PYGO1: variants seen among roughly 807,000 people sequenced by gnomAD.
The protein encoded by PYGO1 is pygopus homolog 1.
Under a neutral mutation model 29.5 loss-of-function variants are expected in PYGO1, and 6 were observed. The ratio of observed to expected loss-of-function variants is 0.20; its 90% CI spans 0.11 to 0.40. The LOEUF (loss-of-function observed/expected upper bound fraction) is 0.40. Ranked by LOEUF, PYGO1 falls within the 10% of genes least tolerant of loss-of-function variation. The probability of loss-of-function intolerance (pLI) is 1.00; values close to 1 mark genes in which losing one functional copy is unlikely to be tolerated. For missense variants in PYGO1, 515 were observed against 514.9 expected (o/e 1.00, Z 0.00); for synonymous variants, 186 against 180.5 (o/e 1.03, Z -0.24).
chr15:55,588,484 G>C (rs1439960741), upstream of PYGO1, among the ~76,000 whole-genome samples: 15 of 146,778 alleles, frequency 1.0e-4, no homozygotes, highest in Admixed American at 3.4e-4. Flanking sequence ...CCGCTGCCTC[G>C]TCCCGCGGCG....
At chr15:55,579,651 G>A (rs779799784) in intron 1 of PYGO1, among the ~76,000 whole-genome samples, 4 of 152,084 alleles carry the variant, frequency 2.6e-5, no homozygotes, top group Non-Finnish European at 4.4e-5. Context: ...AAAGTGCTGA[G>A]ATTACAGGCA....
Position 55,546,924 on chromosome 15 carries a change from C to A in PYGO1, c.359G>T (p.Gly120Val). Residue 120 changes from glycine to valine, a missense_variant, in exon 3 of 3, where the codon GGT becomes GTT. By Grantham distance (109) the Gly-to-Val change is moderately radical. Transcript: ENST00000563719. ...VPPRMSSPYC[G>V]PYSLRNQPHP... is the part of the protein sequence containing the mutation. The stretch of plus-strand genomic sequence containing the variant: ...TGGCTGGTTCCTGAGTGAGTAAGGA[C>A]CACAGTATGGGGAAGACATTCTTGG... The A allele has an allele frequency of 1.2e-6, 2 of 1,614,006 alleles. No homozygotes were observed. The highest frequency in any genetic ancestry group is 1.7e-6 in the Non-Finnish European group (2 of 1,179,990).
chr15:55,551,138 T>G (rs2058877127), intron 1 of PYGO1, among the ~76,000 whole-genome samples: 1 of 152,188 alleles, frequency 6.6e-6, no homozygotes, highest in Non-Finnish European at 1.5e-5. Context: ...GCCTGGTTCC[T>G]AACAGGGCAT....
intron 1 of PYGO1, among the ~76,000 whole-genome samples, chr15:55,563,579 T>C (rs1169701591): frequency 6.6e-6 from 1 of 152,136 alleles, no homozygotes; most frequent in Non-Finnish European, 1.5e-5. Flanking sequence ...CTCGAGCTCC[T>C]GACCTCGTGA....
intron 2 of PYGO1, among the ~76,000 whole-genome samples, chr15:55,548,031 T>C (rs2058860293): frequency 1.3e-5 from 2 of 152,178 alleles, no homozygotes; most frequent in African/African-American, 4.8e-5. Context: ...AATTTTAATT[T>C]TTTTTTGAGA....
intron 1 of PYGO1, among the ~76,000 whole-genome samples, chr15:55,562,852 T>C (rs892489088): frequency 1.3e-5 from 2 of 152,188 alleles, no homozygotes; most frequent in Non-Finnish European, 1.5e-5. Context: ...TGGATGGAGC[T>C]AGAAGCTGTT....
chr15:55,583,862 CA>C (rs2141679911), intron 1 of PYGO1, among the ~76,000 whole-genome samples: 1 of 152,268 alleles, frequency 6.6e-6, no homozygotes, highest in South Asian at 2.1e-4. Flanking sequence ...ACTGCCTTCT[CA>C]AAATCACAAG....
At chr15:55,563,079 A>C (rs2058940164) in intron 1 of PYGO1, among the ~76,000 whole-genome samples, 1 of 152,160 alleles carries the variant, frequency 6.6e-6, no homozygotes, top group Non-Finnish European at 1.5e-5. Flanking sequence ...AAGAAAAAAA[A>C]CATAAATTGC....
chr15:55,554,740 C>T (rs943938952), intron 1 of PYGO1, among the ~76,000 whole-genome samples: 2 of 152,010 alleles, frequency 1.3e-5, no homozygotes, highest in Non-Finnish European at 2.9e-5. Context: ...CAAGTGTCAA[C>T]AGCAGAACAG....
chr15:55,576,994 T>C (rs1039968025), intron 1 of PYGO1, among the ~76,000 whole-genome samples: 1 of 122,854 alleles, frequency 8.1e-6, no homozygotes, highest in African/African-American at 2.7e-5. Context: ...CTAAATAAGA[T>C]AGCAACAAAG....
chr15:55,582,193 C>A, intron 1 of PYGO1, among the ~76,000 whole-genome samples: 1 of 103,948 alleles, frequency 9.6e-6, no homozygotes, highest in Non-Finnish European at 1.8e-5. Context: ...GGAGACAGAG[C>A]AAGGCTCCAT....
intron 1 of PYGO1, among the ~76,000 whole-genome samples, chr15:55,551,039 G>A (rs2058876671): frequency 6.6e-6 from 1 of 152,160 alleles, no homozygotes; most frequent in Non-Finnish European, 1.5e-5. Flanking sequence ...ACCCTCCTAT[G>A]AGAATCTAAT....
In PYGO1 at chr15:55,540,973, A is replaced by G. The variant is rs561785198; in HGVS notation, c.*5050T>C. On this transcript the variant is annotated 3_prime_UTR_variant, in exon 3 of 3. Coordinates refer to ENST00000563719, the MANE Select transcript of PYGO1 (RefSeq NM_001367806.1). ...GCAGGACTTTCTTTTATAAAAGATA[A>G]TATTTTGACAAACAAGCAACATCAT... 2.6e-5 allele frequency: 4 copies of G among 152,230 alleles called. No homozygotes were observed. Among genetic ancestry groups the G allele is most frequent in the South Asian group, 4.1e-4 (2 of 4,824 alleles). The allele number at this position is 152,230 out of a possible 1,614,324, so 9.4% of individuals were successfully genotyped here.
chr15:55,584,311 T>G (rs2059037772), intron 1 of PYGO1, among the ~76,000 whole-genome samples: 1 of 151,804 alleles, frequency 6.6e-6, no homozygotes, highest in South Asian at 2.1e-4. Context: ...TAGAGACAGG[T>G]TGTCGTCCAG....
At chr15:55,554,438 C>T (rs1251815701) in intron 1 of PYGO1, among the ~76,000 whole-genome samples, 3 of 138,130 alleles carry the variant, frequency 2.2e-5, no homozygotes, top group Non-Finnish European at 3.0e-5. Context: ...CACTGCACTC[C>T]AGTCTGGGTG....
chr15:55,562,211 G>C (rs1462047123), intron 1 of PYGO1, among the ~76,000 whole-genome samples: 2 of 152,208 alleles, frequency 1.3e-5, no homozygotes, highest in East Asian at 3.8e-4. Flanking sequence ...AGGTTGCGGA[G>C]AAAAAGGAAC....
chr15:55,552,827 G>A lies in PYGO1; in HGVS notation c.50-3832C>T, dbSNP rs79025003. Among the ~76,000 whole-genome samples the A allele has an allele frequency of 6.4e-3, 981 of 152,244 alleles. 50 individuals are homozygous for A. The East Asian group carries it at 0.12, about 18-fold the overall frequency. Reference sequence around the variant, plus strand: ...CCCTGCAAAGATGAAAAAGAATCCTGCAAGGCAAAAGATCCACCCATACAT... The same window carrying A: ...CCCTGCAAAGATGAAAAAGAATCCTACAAGGCAAAAGATCCACCCATACAT... On this transcript the variant is annotated intron_variant, in intron 1 of 2. Coordinates refer to ENST00000563719, the MANE Select transcript of PYGO1 (RefSeq NM_001367806.1).
In PYGO1 at chr15:55,539,857, A is replaced by G. The variant is rs1340890608; in HGVS notation, c.*6166T>C. ...ACATAACATAGGTAGACATTTTGTA[A>G]TATACATCACTGACATAGTAAAACC... On this transcript the variant is annotated 3_prime_UTR_variant, in exon 3 of 3. Transcript: ENST00000563719. The G allele has an allele frequency of 6.6e-6, 1 of 152,084 alleles. No individual in the cohort carries two copies. Among genetic ancestry groups the G allele is most frequent in the African/African-American group, 2.4e-5 (1 of 41,456 alleles). 9.4% of individuals were successfully genotyped at this position (152,084 alleles called of 1,614,324 possible).
intron 1 of PYGO1, among the ~76,000 whole-genome samples, chr15:55,559,691 G>T (rs1208553539): frequency 1.3e-5 from 2 of 152,150 alleles, no homozygotes; most frequent in Non-Finnish European, 2.9e-5. Flanking sequence ...CATTTTATGA[G>T]GCTAGCATCA....
Sources: gnomAD v4.1 joint callset for allele counts (sites outside exome capture counted in the v4.1 genomes callset) on GRCh38, gnomAD v4.1.1 for gene constraint, MANE v1.5 for transcripts, NCBI Gene and HGNC (gene_info 2026-07-23, HGNC 2026-07-21) for gene names.